The following CCDC60 variants were observed in gnomAD, a reference collection of about 807,000 sequenced individuals.
CCDC60 encodes coiled-coil domain containing 60.
A neutral mutation model predicts 63.5 loss-of-function variants in CCDC60; 54 were observed. The ratio of observed to expected loss-of-function variants is 0.85; its 90% confidence interval spans 0.68 to 1.07. CCDC60 has a LOEUF of 1.07. Among genes scored for constraint, CCDC60 ranks in the 50% least tolerant of loss-of-function variants. The pLI is 0.00. For missense variants in CCDC60, 651 were observed against 684.3 expected, an observed-to-expected ratio of 0.95 and a Z score of 0.54; for synonymous variants, 206 against 238.8, an observed-to-expected ratio of 0.86 and a Z score of 1.27.
chr12:119,479,995 T>TACACACACACACAC lies in CCDC60; in HGVS notation c.449+831_449+844dup, dbSNP rs56080581. Among the ~76,000 whole-genome samples, 21 of 122,074 alleles carry TACACACACACACAC rather than the reference T, an allele frequency of 1.7e-4. No homozygotes were observed. The East Asian group carries it at 3.0e-3, about 17-fold the overall frequency. The allele number at this position is 122,074 out of a possible 152,430, so 80.1% of individuals were successfully genotyped here. A position where few individuals can be genotyped will look rare whatever the true frequency, so the allele number is the denominator to read the frequency against. ...GTGCATGAGCCCCCACCGTACATCA[T>TACACACACACACAC]ACACACACACACACACACACACACA... On this transcript the variant is annotated intron_variant, in intron 4 of 13. Coordinates refer to ENST00000327554, the MANE Select transcript of CCDC60 (RefSeq NM_178499.5).
At chr12:119,515,707 A>C (rs986168166) in intron 7 of CCDC60, among the ~76,000 whole-genome samples, 2 of 152,198 alleles carry the variant, frequency 1.3e-5, no homozygotes, top group Non-Finnish European at 2.9e-5. Flanking sequence ...GCTAGAGAGC[A>C]GTCGCCTATC....
intron 1 of CCDC60, among the ~76,000 whole-genome samples, chr12:119,411,322 G>A (rs769732014): frequency 5.9e-5 from 9 of 152,168 alleles, no homozygotes; most frequent in Non-Finnish European, 1.3e-4. Context: ...ATGGAAGGGA[G>A]GAGGCCAGAC....
At chr12:119,507,467 CATATATATACATATATACACATAT>C (rs1952038028) in intron 7 of CCDC60, among the ~76,000 whole-genome samples, 1 of 143,354 alleles carries the variant, frequency 7.0e-6, no homozygotes, top group Admixed American at 7.2e-5. Context: ...TATACACATA[CATATATATACATATATACACATAT>C]ATACATATAT....
At chr12:119,360,442 C>T (rs1247232847) in intron 1 of CCDC60, among the ~76,000 whole-genome samples, 2 of 151,916 alleles carry the variant, frequency 1.3e-5, no homozygotes, top group African/African-American at 4.8e-5. Context: ...GGAGACGCTC[C>T]TCACTTCCCA....
intron 1 of CCDC60, among the ~76,000 whole-genome samples, chr12:119,337,603 T>C (rs1393230882): frequency 2.0e-5 from 3 of 152,260 alleles, no homozygotes; most frequent in Non-Finnish European, 2.9e-5. Flanking sequence ...AAACATTTAT[T>C]GCACTGCTGT....
At chr12:119,373,370 G>A (rs1189925167) in intron 1 of CCDC60, among the ~76,000 whole-genome samples, 1 of 152,150 alleles carries the variant, frequency 6.6e-6, no homozygotes, top group African/African-American at 2.4e-5. Context: ...CGGCAGCTAT[G>A]TGACTCTGAG....
At chr12:119,480,778 ATCACCATCATCATCACCACCATCG>A (rs1951291874) in intron 4 of CCDC60, among the ~76,000 whole-genome samples, 1 of 150,846 alleles carries the variant, frequency 6.6e-6, no homozygotes, top group Non-Finnish European at 1.5e-5. Context: ...CACCATCATC[ATCACCATCATCATCACCACCATCG>A]TCACCATCAT....
At chr12:119,361,877 A>G (rs752839380) in intron 1 of CCDC60, among the ~76,000 whole-genome samples, 14 of 152,250 alleles carry the variant, frequency 9.2e-5, no homozygotes, top group Non-Finnish European at 1.8e-4. Flanking sequence ...GTCCGTACAT[A>G]TAGACATGGA....
intron 1 of CCDC60, among the ~76,000 whole-genome samples, chr12:119,361,674 G>A (rs1955792554): frequency 6.6e-6 from 1 of 152,164 alleles, no homozygotes; most frequent in South Asian, 2.1e-4. Context: ...TGAAAATCCA[G>A]GTGCTTTGAT....
intron 8 of CCDC60, among the ~76,000 whole-genome samples, chr12:119,517,014 G>T (rs542419280): frequency 1.3e-5 from 2 of 152,204 alleles, no homozygotes; most frequent in South Asian, 2.1e-4. Flanking sequence ...CTGAGACAGG[G>T]TCTCGCTCTG....
Position 119,420,844 on chromosome 12 carries a change from T to G in CCDC60, c.91-7839T>G, listed in dbSNP as rs968590755. 1.3e-5 allele frequency among the ~76,000 whole-genome samples: 2 copies of G among 152,174 alleles called. No individual in the cohort carries two copies. Among genetic ancestry groups the G allele is most frequent in the South Asian group, 4.1e-4 (2 of 4,828 alleles). ...ATTCCGTAAATATATGCACTTATTA[T>G]GTACCCACAAAAATAAAAAATAAAA... On this transcript the variant is annotated intron_variant, in intron 1 of 13. Transcript: ENST00000327554. This position sits in a 1 kb window ranked among gnomAD's most constrained non-coding sequence, Gnocchi z 4.1.
At chr12:119,351,522 C>G (rs1955656472) in intron 1 of CCDC60, among the ~76,000 whole-genome samples, 1 of 152,138 alleles carries the variant, frequency 6.6e-6, no homozygotes, top group Non-Finnish European at 1.5e-5. Flanking sequence ...TAGTGGAAGG[C>G]AAAGCAGGAG....
chr12:119,335,006 G>A lies in CCDC60; in HGVS notation c.-171G>A. On this transcript the variant is annotated 5_prime_UTR_variant, in exon 1 of 14. Transcript: ENST00000327554. Reference sequence around the variant, plus strand: ...CCTTATCCCGTCTGTGGGAGACCCAGGTGCTTTCTCATTACTCTTCAGAAG... The same window carrying A: ...CCTTATCCCGTCTGTGGGAGACCCAAGTGCTTTCTCATTACTCTTCAGAAG... The A allele has an allele frequency of 1.8e-6, 1 of 548,898 alleles. No homozygotes were observed. The highest frequency in any genetic ancestry group is 3.2e-6 in the Non-Finnish European group (1 of 309,462). 34.0% of individuals were successfully genotyped at this position (548,898 alleles called of 1,614,324 possible).
At chr12:119,524,059 T>C (rs1055673726) in intron 11 of CCDC60, among the ~76,000 whole-genome samples, 3 of 152,100 alleles carry the variant, frequency 2.0e-5, no homozygotes, top group Non-Finnish European at 4.4e-5. Context: ...GAGACAGAGA[T>C]AGAGAGCATA....
rs1351910862 is a variant in CCDC60 at position 119,471,994 on chromosome 12, C to T, written c.171C>T (p.Arg57=). ...CCTCTTCCTCCCTGCATGTCTCCAG[C>T]TTTTTGATCCAGTCTGTGAAGATAG... ...INLKKDLIRS[R]FLIQSVKIGR... Residue 57 remains arginine, a splice_region_variant and synonymous_variant, in exon 3 of 14, where the codon CGC becomes CGT. Coordinates refer to ENST00000327554, the MANE Select transcript of CCDC60 (RefSeq NM_178499.5). 1.9e-6 allele frequency: 3 copies of T among 1,612,140 alleles called. No homozygotes were observed. Among genetic ancestry groups the T allele is most frequent in the Non-Finnish European group, 2.5e-6 (3 of 1,179,134 alleles).
intron 1 of CCDC60, among the ~76,000 whole-genome samples, chr12:119,341,408 C>G (rs1237417886): frequency 6.6e-6 from 1 of 152,120 alleles, no homozygotes; most frequent in African/African-American, 2.4e-5. Flanking sequence ...GGATAATAAG[C>G]TTTGTAATTA....
chr12:119,474,837 T>C (rs1204112028), intron 3 of CCDC60, among the ~76,000 whole-genome samples: 5 of 151,992 alleles, frequency 3.3e-5, no homozygotes, highest in Non-Finnish European at 7.4e-5. Flanking sequence ...AGAGACTCCA[T>C]CTCTCTTTAA....
intron 1 of CCDC60, among the ~76,000 whole-genome samples, chr12:119,340,854 C>G (rs569764003): frequency 6.6e-6 from 1 of 152,034 alleles, no homozygotes; most frequent in Admixed American, 6.5e-5. Context: ...GAGACCACGC[C>G]CCCTGCATGG....
At chr12:119,345,215 A>C (rs1469232760) in intron 1 of CCDC60, among the ~76,000 whole-genome samples, 1 of 152,140 alleles carries the variant, frequency 6.6e-6, no homozygotes, top group African/African-American at 2.4e-5. Context: ...TTAAGACAGA[A>C]AAAGGAGGCT....
Sources: allele counts gnomAD v4.1 joint callset (sites outside exome capture counted in the v4.1 genomes callset), GRCh38; gene constraint gnomAD v4.1.1; non-coding constraint Gnocchi (gnomAD v3.1); transcripts MANE v1.5; gene names NCBI Gene and HGNC (gene_info 2026-07-23, HGNC 2026-07-21).